Variants in STK33 observed in about 807,000 individuals in gnomAD.
STK33 encodes the protein serine/threonine-protein kinase 33.
A neutral mutation model predicts 58.0 loss-of-function variants in STK33; 52 were observed. That is an observed-to-expected ratio of 0.90 (90% CI 0.72 to 1.13). The LOEUF (loss-of-function observed/expected upper bound fraction) is 1.13. Ranked by LOEUF, STK33 falls within the 50% of genes most tolerant of loss-of-function variation. The pLI is 0.00. For missense variants in STK33, 630 were observed against 604.2 expected (o/e 1.04, Z -0.45); for synonymous variants, 215 against 200.1 (o/e 1.07, Z -0.63).
At chr11:8,563,494 T>C (rs183481949) in intron 1 of STK33, among the ~76,000 whole-genome samples, 1 of 152,274 alleles carries the variant, frequency 6.6e-6, no homozygotes, top group East Asian at 1.9e-4. Flanking sequence ...ATGTAAAATA[T>C]AACTTCTACA....
Position 8,474,758 on chromosome 11 carries a change from T to G in STK33, c.148A>C (p.Ser50Arg). Residue 50 changes from serine to arginine, a missense_variant, in exon 5 of 16, where the codon AGT (serine) becomes CGT (arginine). Physicochemically the swap from Ser to Arg is moderately radical, Grantham distance 110. Transcript: ENST00000687296. Reference protein sequence around the residue: ...VEMSQTSSIGSAESLISLERK... With the variant: ...VEMSQTSSIGRAESLISLERK... Reference sequence around the variant, plus strand: ...TCCAGTGAAATTAAAGATTCTGCACTACCAATGCTTGATGTCTGTGACATT... The same window carrying G: ...TCCAGTGAAATTAAAGATTCTGCACGACCAATGCTTGATGTCTGTGACATT... 6.2e-7 allele frequency: 1 copy of G among 1,613,568 alleles called. No individual in the cohort carries two copies. The highest frequency in any genetic ancestry group is 1.7e-4 in the Middle Eastern group (1 of 6,058).
At chr11:8,415,485 G>A (rs952031426) in intron 14 of STK33, among the ~76,000 whole-genome samples, 1 of 152,050 alleles carries the variant, frequency 6.6e-6, no homozygotes, top group South Asian at 2.1e-4. Context: ...TCCAATTCCT[G>A]AACTGGTAAT....
At chr11:8,477,798 G>C (rs559304605) in intron 2 of STK33, among the ~76,000 whole-genome samples, 1 of 152,000 alleles carries the variant, frequency 6.6e-6, no homozygotes, top group African/African-American at 2.4e-5. Flanking sequence ...GTACTTTCTC[G>C]CTCCAGTCTT....
intron 1 of STK33, among the ~76,000 whole-genome samples, chr11:8,541,597 A>G (rs1955522638): frequency 6.6e-6 from 1 of 152,210 alleles, no homozygotes; most frequent in Non-Finnish European, 1.5e-5. Context: ...AGTATGTTCC[A>G]TACATATCTT....
chr11:8,417,793 T>C (rs1409748053), intron 14 of STK33, among the ~76,000 whole-genome samples: 2 of 152,156 alleles, frequency 1.3e-5, no homozygotes, highest in Non-Finnish European at 2.9e-5. Context: ...AAATTTAAGT[T>C]TGATATTCCC....
chr11:8,572,048 T>A (rs1467938268), intron 1 of STK33, among the ~76,000 whole-genome samples: 3 of 148,722 alleles, frequency 2.0e-5, no homozygotes, highest in African/African-American at 7.3e-5. Flanking sequence ...AATTAATTAA[T>A]TAATTAATTT....
At chr11:8,535,870 A>G (rs1191396687) in intron 1 of STK33, among the ~76,000 whole-genome samples, 1 of 152,182 alleles carries the variant, frequency 6.6e-6, no homozygotes, top group Non-Finnish European at 1.5e-5. Flanking sequence ...GATAAAGAAA[A>G]TGTGGTATAT....
At chr11:8,503,776 TC>T (rs1951682660) in intron 1 of STK33, among the ~76,000 whole-genome samples, 1 of 152,140 alleles carries the variant, frequency 6.6e-6, no homozygotes, top group Non-Finnish European at 1.5e-5. Flanking sequence ...GTCTACACCT[TC>T]CAGCCTCTTA....
chr11:8,363,994 A>C, the STK33 span, among the ~76,000 whole-genome samples: 1,792 of 152,282 alleles, frequency 0.012, 39 homozygotes, highest in African/African-American at 0.039. Flanking sequence ...CAATTGTCAG[A>C]CTGTGTTCTG....
chr11:8,525,025 G>A (rs552055302), intron 1 of STK33, among the ~76,000 whole-genome samples: 1 of 151,952 alleles, frequency 6.6e-6, no homozygotes, highest in East Asian at 1.9e-4. Flanking sequence ...AAAAAAACTG[G>A]TTTTTTAATG....
At chr11:8,449,498 C>T (rs965187460) in intron 11 of STK33, among the ~76,000 whole-genome samples, 13 of 151,250 alleles carry the variant, frequency 8.6e-5, no homozygotes, top group Admixed American at 3.3e-4. Context: ...ATGGATGAAG[C>T]GGAAACCATC....
At chr11:8,372,329 A>G in the STK33 span, among the ~76,000 whole-genome samples, 79 of 147,720 alleles carry the variant, frequency 5.3e-4, no homozygotes, top group African/African-American at 1.7e-3. Context: ...GGGGGCTTTG[A>G]GTGATCCACG....
At chr11:8,493,696 C>A (rs1309784056) in intron 1 of STK33, among the ~76,000 whole-genome samples, 1 of 152,168 alleles carries the variant, frequency 6.6e-6, no homozygotes, top group African/African-American at 2.4e-5. Flanking sequence ...CTAAAATCCT[C>A]AATAAAATAC....
rs1950406896 is a variant in STK33, at chr11:8,489,261, AAAAAAAAAAAG to A, written c.-465-8658_-465-8648del. Among the ~76,000 whole-genome samples, 6 of 105,874 alleles carry A rather than the reference AAAAAAAAAAAG, an allele frequency of 5.7e-5. No individual in the cohort carries two copies. The South Asian group carries it at 1.1e-3, about 19-fold the overall frequency. 69.5% of individuals were successfully genotyped at this position (105,874 alleles called of 152,430 possible). A position where few individuals can be genotyped will look rare whatever the true frequency, so the allele number is the denominator to read the frequency against. ...GACAAAGCAAGAAGCTATCTCCAAAAAAAAAAAAAAGAAAAAAAAAAAGAAAGAAAAGAAAA... is the reference window on the plus strand; with the variant it reads ...GACAAAGCAAGAAGCTATCTCCAAAAAAAAAAAAAAAGAAAGAAAAGAAAA... On this transcript the variant is annotated intron_variant, in intron 1 of 15. Coordinates refer to ENST00000687296, the MANE Select transcript of STK33 (RefSeq NM_001352389.2).
intron 1 of STK33, among the ~76,000 whole-genome samples, chr11:8,560,658 G>T (rs760808149): frequency 7.9e-5 from 12 of 152,086 alleles, no homozygotes; most frequent in Non-Finnish European, 8.8e-5. Context: ...AAAATTATCT[G>T]CCCATGTTTT....
chr11:8,366,466 G>A, the STK33 span, among the ~76,000 whole-genome samples: 2 of 152,200 alleles, frequency 1.3e-5, no homozygotes, highest in African/African-American at 4.8e-5. Context: ...AGGGGTGGGA[G>A]AGCACAGACG....
chr11:8,551,904 C>T (rs571534850), intron 1 of STK33, among the ~76,000 whole-genome samples: 43 of 152,234 alleles, frequency 2.8e-4, no homozygotes, highest in African/African-American at 1.0e-3. Flanking sequence ...CCCCTTGCAG[C>T]ACTATGGCAC....
intron 11 of STK33, among the ~76,000 whole-genome samples, chr11:8,451,938 C>G (rs1946329713): frequency 6.6e-6 from 1 of 152,156 alleles, no homozygotes; most frequent in Non-Finnish European, 1.5e-5. Context: ...GGCATGGTGG[C>G]TCACGTCTGT....
At chr11:8,462,345 A>C (rs753637528) in intron 7 of STK33, among the ~76,000 whole-genome samples, 1 of 151,450 alleles carries the variant, frequency 6.6e-6, no homozygotes, top group Non-Finnish European at 1.5e-5. Context: ...AAAAAAAACA[A>C]AAAGTTTTTC....
Sources: gnomAD v4.1 joint callset for allele counts (sites outside exome capture counted in the v4.1 genomes callset) on GRCh38, gnomAD v4.1.1 for gene constraint, MANE v1.5 for transcripts, NCBI Gene and HGNC (gene_info 2026-07-23, HGNC 2026-07-21) for gene names.